TRDN: variants seen among roughly 807,000 people sequenced by gnomAD.
TRDN encodes triadin.
A neutral mutation model predicts 149.7 loss-of-function variants in TRDN; 161 were observed. The observed-to-expected ratio is 1.08, with a 90% CI of 0.95 to 1.23. TRDN has a LOEUF of 1.23. Ranked by LOEUF, TRDN falls within the 50% of genes most tolerant of loss-of-function variation. TRDN has a pLI of 0.00. For missense variants in TRDN, 896 were observed against 823.5 expected, an observed-to-expected ratio of 1.09 and a Z score of -1.08; for synonymous variants, 294 against 250.5, an observed-to-expected ratio of 1.17 and a Z score of -1.64.
chr6:123,506,188 A>G (rs1778913915), intron 7 of TRDN, among the ~76,000 whole-genome samples: 1 of 152,186 alleles, frequency 6.6e-6, no homozygotes, highest in Admixed American at 6.5e-5. Context: ...AAACACTTCT[A>G]GAGAGTCTAT....
At chr6:123,228,378 T>A (rs1775468609) in intron 38 of TRDN, among the ~76,000 whole-genome samples, 1 of 151,912 alleles carries the variant, frequency 6.6e-6, no homozygotes, top group Non-Finnish European at 1.5e-5. Context: ...GGGTAATTTA[T>A]AAAGGAAAGA....
At chr6:123,503,151 T>A in intron 8 of TRDN, 1 of 985,252 alleles carries the variant, frequency 1.0e-6, no homozygotes, top group Non-Finnish European at 1.2e-6. Flanking sequence ...AGAAATTTAG[T>A]CAATGGAAAC....
At chr6:123,257,976 A>G (rs546121544) in intron 35 of TRDN, among the ~76,000 whole-genome samples, 2 of 152,238 alleles carry the variant, frequency 1.3e-5, no homozygotes, top group Middle Eastern at 3.4e-3. Context: ...ATTTTTGCAC[A>G]TTGATTTTGT....
At chr6:123,273,237 C>A in intron 28 of TRDN, 100 bp downstream of exon 28, 1 of 931,278 alleles carries the variant, frequency 1.1e-6, no homozygotes. Context: ...TGTAATAAAA[C>A]ATAAATATAA....
At chr6:123,349,470 GA>G (rs1780372720) in intron 21 of TRDN, 2 of 873,448 alleles carry the variant, frequency 2.3e-6, no homozygotes, top group African/African-American at 3.6e-5. Context: ...GAATTCACAG[GA>G]ATCTATAATA....
At chr6:123,366,007 T>G (rs991794664) in intron 20 of TRDN, 128 bp downstream of exon 20, 1 of 755,752 alleles carries the variant, frequency 1.3e-6, no homozygotes, top group Admixed American at 3.0e-5. Context: ...AATAGGTTTG[T>G]TTCTATATCA....
chr6:123,543,143 G>C (rs941896688), intron 4 of TRDN, among the ~76,000 whole-genome samples: 1 of 151,878 alleles, frequency 6.6e-6, no homozygotes, highest in African/African-American at 2.4e-5. Flanking sequence ...ATTTTTAACT[G>C]TGGTATTTGC....
At chr6:123,360,950 T>G (rs1048234769) in intron 20 of TRDN, among the ~76,000 whole-genome samples, 7 of 152,150 alleles carry the variant, frequency 4.6e-5, no homozygotes, top group African/African-American at 1.4e-4. Context: ...TAGATGGATA[T>G]GTGCCACATT....
chr6:123,379,731 G>T (rs1362214369), intron 16 of TRDN, among the ~76,000 whole-genome samples: 1 of 152,106 alleles, frequency 6.6e-6, no homozygotes, highest in Non-Finnish European at 1.5e-5. Context: ...AATATACATT[G>T]ATTTACCCTT....
chr6:123,274,540 C>G, intron 27 of TRDN, 101 bp downstream of exon 27: 1 of 1,016,618 alleles, frequency 9.8e-7, no homozygotes, highest in Non-Finnish European at 1.4e-6. Flanking sequence ...AACTTGGAGA[C>G]TATGTGCATG....
intron 20 of TRDN, among the ~76,000 whole-genome samples, chr6:123,356,514 T>TATATGTATATATACATATATATATAC (rs1780684541): frequency 7.6e-4 from 11 of 14,496 alleles, no homozygotes; most frequent in African/African-American, 2.9e-3. Flanking sequence ...TATATATATA[T>TATATGTATATATACATATATATATAC]ATATATATAT....
At chr6:123,373,148 T>A (rs1350284998) in intron 19 of TRDN, among the ~76,000 whole-genome samples, 2 of 152,138 alleles carry the variant, frequency 1.3e-5, no homozygotes, top group Non-Finnish European at 2.9e-5. Flanking sequence ...TGTCCCCACC[T>A]GAATCTCATC....
chr6:123,558,132 G>C (rs770327129), intron 2 of TRDN, among the ~76,000 whole-genome samples: 1 of 151,908 alleles, frequency 6.6e-6, no homozygotes, highest in South Asian at 2.1e-4. Flanking sequence ...TTTACACATC[G>C]GTCCCTCCCT....
At chr6:123,265,374 G>A in intron 32 of TRDN, 36 bp from the exon 33 acceptor site, 1 of 1,342,936 alleles carries the variant, frequency 7.4e-7, no homozygotes, top group Non-Finnish European at 1.0e-6. Flanking sequence ...GAAAATGAGT[G>A]ATAATTTTCT....
At chr6:123,611,308 C>T (rs563343956) in intron 1 of TRDN, among the ~76,000 whole-genome samples, 16 of 152,064 alleles carry the variant, frequency 1.1e-4, no homozygotes, top group South Asian at 4.2e-4. Context: ...ACAAAAATTA[C>T]GCTATATTCA....
intron 4 of TRDN, among the ~76,000 whole-genome samples, chr6:123,534,732 T>C (rs1280047760): frequency 2.6e-5 from 4 of 152,194 alleles, no homozygotes; most frequent in Non-Finnish European, 4.4e-5. Context: ...CTATATTATG[T>C]TAATACTAGC....
At chr6:123,438,422 A>G (rs1472448242) in intron 11 of TRDN, among the ~76,000 whole-genome samples, 2 of 152,084 alleles carry the variant, frequency 1.3e-5, no homozygotes, top group African/African-American at 4.8e-5. Flanking sequence ...TTCCTAACAT[A>G]TATTGAAAAG....
intron 19 of TRDN, among the ~76,000 whole-genome samples, chr6:123,366,727 A>C (rs1781115467): frequency 1.3e-5 from 2 of 152,162 alleles, no homozygotes; most frequent in African/African-American, 2.4e-5. Context: ...CATGTTGGCC[A>C]GGCTGGTCTT....
chr6:123,537,135 T>A (rs1353106639), intron 4 of TRDN, among the ~76,000 whole-genome samples: 1 of 152,158 alleles, frequency 6.6e-6, no homozygotes, highest in Non-Finnish European at 1.5e-5. Flanking sequence ...AATATAACTA[T>A]TTCAACAGAA....
Sources: allele counts gnomAD v4.1 joint callset (sites outside exome capture counted in the v4.1 genomes callset), GRCh38; gene constraint gnomAD v4.1.1; transcripts MANE v1.5; gene names NCBI Gene and HGNC (gene_info 2026-07-23, HGNC 2026-07-21).